MRPL19: variants seen among roughly 807,000 people sequenced by gnomAD.
MRPL19 encodes the protein large ribosomal subunit protein bL19m.
Under a neutral mutation model 34.0 loss-of-function variants are expected in MRPL19, and 31 were observed. That is an observed-to-expected ratio of 0.91 (90% CI 0.68 to 1.23). The LOEUF is 1.23. Ranked by LOEUF, MRPL19 falls within the 50% of genes most tolerant of loss-of-function variation. The pLI, the probability that MRPL19 is intolerant of heterozygous loss-of-function variation, is 0.00. For synonymous variants in MRPL19, 152 were observed against 127.7 expected (o/e 1.19, Z -1.28); for missense variants, 384 against 367.6 (o/e 1.04, Z -0.37).
intron 1 of MRPL19, 76 bp from the exon 2 acceptor site, chr2:75,647,026 T>C: frequency 3.4e-6 from 5 of 1,484,820 alleles, no homozygotes; most frequent in South Asian, 1.3e-5. Flanking sequence ...GGACGCCGGG[T>C]TGGGGGAGAT....
Position 75,657,591 on chromosome 2 carries a change from T to G in MRPL19, c.*2306T>G, listed in dbSNP as rs1455046984. ...GCCTATATCTTATATTTTTCTTCTC[T>G]TTATCTTGTTAGAAGATAGCTATTA... On this transcript the variant is annotated 3_prime_UTR_variant, in exon 6 of 6. Transcript: ENST00000393909. The G allele has an allele frequency of 6.6e-6, 1 of 152,116 alleles. No individual in the cohort carries two copies. Among genetic ancestry groups the G allele is most frequent in the South Asian group, 2.1e-4 (1 of 4,830 alleles). The allele number at this position is 152,116 out of a possible 1,614,324, so 9.4% of individuals were successfully genotyped here. A position where few individuals can be genotyped will look rare whatever the true frequency, so the allele number is the denominator to read the frequency against.
At chr2:75,651,294 GTC>G (rs935337479) in intron 2 of MRPL19, 2 of 516,156 alleles carry the variant, frequency 3.9e-6, no homozygotes, top group Non-Finnish European at 7.9e-6. Flanking sequence ...CTGCAGCTGT[GTC>G]TCTGGATTTG....
chr2:75,652,374 G>A, intron 3 of MRPL19, 114 bp downstream of exon 3: 1 of 1,285,556 alleles, frequency 7.8e-7, no homozygotes. Context: ...TCTGGGTTAT[G>A]CTCATATGAA....
In MRPL19 at chr2:75,656,347, C is replaced by T. The variant is rs939610179; in HGVS notation, c.*1062C>T. The T allele has an allele frequency of 6.6e-6, 1 of 152,148 alleles. No individual in the cohort carries two copies. The highest frequency in any genetic ancestry group is 2.1e-4 in the South Asian group (1 of 4,830). The allele number at this position is 152,148 out of a possible 1,614,324, so 9.4% of individuals were successfully genotyped here. A position where few individuals can be genotyped will look rare whatever the true frequency, so the allele number is the denominator to read the frequency against. On this transcript the variant is annotated 3_prime_UTR_variant, in exon 6 of 6. Transcript: ENST00000393909. Reference sequence around the variant, plus strand: ...CTCAGGTTAAAAAATACAGTACTATCCTAAATCTTGAAGGCAACTCTCAGC... The same window carrying T: ...CTCAGGTTAAAAAATACAGTACTATTCTAAATCTTGAAGGCAACTCTCAGC...
Position 75,655,377 on chromosome 2 carries a change from G to T in MRPL19, c.*92G>T. The T allele has an allele frequency of 1.1e-6, 1 of 907,582 alleles. No individual in the cohort carries two copies. Among genetic ancestry groups the T allele is most frequent in the East Asian group, 2.7e-5 (1 of 37,510 alleles). The allele number at this position is 907,582 out of a possible 1,614,324, so 56.2% of individuals were successfully genotyped here. On this transcript the variant is annotated 3_prime_UTR_variant, in exon 6 of 6. Transcript: ENST00000393909. ...ATTTAATTTCATTTATAAGAACATAGTAATTAAGTGAACTAAGCATTCATT... is the reference window on the plus strand; with the variant it reads ...ATTTAATTTCATTTATAAGAACATATTAATTAAGTGAACTAAGCATTCATT...
chr2:75,651,565 C>A, intron 2 of MRPL19: 2 of 413,920 alleles, frequency 4.8e-6, no homozygotes, highest in East Asian at 6.5e-5. Flanking sequence ...TAGTCTTGAC[C>A]AGCAAACACA....
At chr2:75,647,449 C>G in intron 2 of MRPL19, 2 of 524,156 alleles carry the variant, frequency 3.8e-6, no homozygotes, top group Non-Finnish European at 6.7e-6. Flanking sequence ...TAGGGGTTCC[C>G]CATATTTTAA....
intron 2 of MRPL19, chr2:75,651,373 G>T (rs541296426): frequency 3.8e-4 from 201 of 534,110 alleles, no homozygotes; most frequent in Admixed American, 4.5e-4. Context: ...GAATGACACC[G>T]CATATGTACC....
chr2:75,651,148 G>A lies in MRPL19; in HGVS notation c.222-994G>A, dbSNP rs1678323222. 1.2e-5 allele frequency: 4 copies of A among 342,814 alleles called. No individual in the cohort carries two copies. The East Asian group carries it at 3.0e-4, about 26-fold the overall frequency. 21.2% of individuals were successfully genotyped at this position (342,814 alleles called of 1,614,324 possible). A position where few individuals can be genotyped will look rare whatever the true frequency, so the allele number is the denominator to read the frequency against. On this transcript the variant is annotated intron_variant, in intron 2 of 5. Coordinates refer to ENST00000393909, the MANE Select transcript of MRPL19 (RefSeq NM_014763.4). ...ACCTAGAGTCCTTGCCATGGGCAAG[G>A]TGCATCCCTGGGCCATGGATAGGAA...
rs1334502797 is a variant in MRPL19 at position 75,658,473 on chromosome 2, A to G, written c.*3188A>G. ...TGCTGCAGTAAACATTGACATAACA[A>G]GTATGTATTTGATTGCCTGTTTCTA... On this transcript the variant is annotated 3_prime_UTR_variant, in exon 6 of 6. Coordinates refer to ENST00000393909, the MANE Select transcript of MRPL19 (RefSeq NM_014763.4). Among the ~76,000 whole-genome samples, 1 of 152,202 alleles carries G rather than the reference A, an allele frequency of 6.6e-6. No homozygotes were observed. The highest frequency in any genetic ancestry group is 1.5e-5 in the Non-Finnish European group (1 of 68,028).
chr2:75,651,004 C>G (rs1678320925), intron 2 of MRPL19, among the ~76,000 whole-genome samples: 1 of 152,134 alleles, frequency 6.6e-6, no homozygotes, highest in Admixed American at 6.5e-5. Context: ...CTCTGCTGTT[C>G]TGGGAAGATT....
At position 75,659,012 on chromosome 2, in the gene MRPL19, A is replaced by G. The variant is rs982182020; in HGVS notation, c.*3727A>G. Among the ~76,000 whole-genome samples the G allele has an allele frequency of 6.6e-6, 1 of 151,994 alleles. No individual in the cohort carries two copies. On this transcript the variant is annotated 3_prime_UTR_variant, in exon 6 of 6. Transcript: ENST00000393909. Reference sequence around the variant, plus strand: ...TGATTGGAAAATTTAATCCATTTGCATTTAAAGTAATTAAGGAAGGACTTT... The same window carrying G: ...TGATTGGAAAATTTAATCCATTTGCGTTTAAAGTAATTAAGGAAGGACTTT...
rs753974870 is a variant in MRPL19 at position 75,646,891 on chromosome 2, G to C, written c.84G>C (p.Pro28=). The C allele has an allele frequency of 6.3e-7, 1 of 1,593,398 alleles. No homozygotes were observed. Among genetic ancestry groups the C allele is most frequent in the Non-Finnish European group, 8.5e-7 (1 of 1,170,288 alleles). The change falls in exon 1 of 6, where the codon CCG becomes CCC. Residue 28 remains proline, a synonymous_variant. Transcript: ENST00000393909. The part of the protein sequence containing the change: ...SFQAARTLLP[P]PASIACRVHA... Reference sequence around the variant, plus strand: ...AAGCCGCCAGGACTCTGCTCCCCCCGCCGGCCTCTATCGCCTGCAGTAAGT... The same window carrying C: ...AAGCCGCCAGGACTCTGCTCCCCCCCCCGGCCTCTATCGCCTGCAGTAAGT...
In MRPL19 at chr2:75,662,166, A is replaced by C. The variant is rs1306019680; in HGVS notation, c.*6881A>C. 6.6e-6 allele frequency: 1 copy of C among 152,214 alleles called. No homozygotes were observed. Among genetic ancestry groups the C allele is most frequent in the Non-Finnish European group, 1.5e-5 (1 of 68,032 alleles). The allele number at this position is 152,214 out of a possible 1,614,324, so 9.4% of individuals were successfully genotyped here. A position where few individuals can be genotyped will look rare whatever the true frequency, so the allele number is the denominator to read the frequency against. ...TACACTGGTTGACTAATGTTAAAAC[A>C]ACCTTACTTTCCAGGAATAAACCCT... On this transcript the variant is annotated 3_prime_UTR_variant, in exon 6 of 6. Transcript: ENST00000393909.
In MRPL19 at chr2:75,658,111, A is replaced by G. The variant is rs569887875; in HGVS notation, c.*2826A>G. Among the ~76,000 whole-genome samples the G allele has an allele frequency of 7.3e-4, 111 of 152,168 alleles. No individual in the cohort carries two copies. The highest frequency in any genetic ancestry group is 1.2e-3 in the Non-Finnish European group (81 of 67,990). ...TATCTTTGAGACAAGGTCTCATTCTATCACTCAGGTAGGAGTGCAGTGGTG... is the reference window on the plus strand; with the variant it reads ...TATCTTTGAGACAAGGTCTCATTCTGTCACTCAGGTAGGAGTGCAGTGGTG... On this transcript the variant is annotated 3_prime_UTR_variant, in exon 6 of 6. Coordinates refer to ENST00000393909, the MANE Select transcript of MRPL19 (RefSeq NM_014763.4).
At chr2:75,650,831 C>T (rs534561463) in intron 2 of MRPL19, among the ~76,000 whole-genome samples, 49 of 152,188 alleles carry the variant, frequency 3.2e-4, no homozygotes, top group African/African-American at 1.1e-3. Flanking sequence ...TACTGCTGTG[C>T]CAGGTCTAGA....
rs1678239422 is a variant in MRPL19 at position 75,647,092 on chromosome 2, G to C, written c.104-10G>C. On this transcript the variant is annotated splice_polypyrimidine_tract_variant and intron_variant, in intron 1 of 5. Coordinates refer to ENST00000393909, the MANE Select transcript of MRPL19 (RefSeq NM_014763.4). ...ACGAGAGTTCTGACCTCCGTCGTCC[G>C]CTCCCGCAGGGGTCCACGCGGGGCC... 1.3e-6 allele frequency: 2 copies of C among 1,574,502 alleles called. No homozygotes were observed. Among genetic ancestry groups the C allele is most frequent in the Non-Finnish European group, 1.7e-6 (2 of 1,158,392 alleles).
At position 75,646,828 on chromosome 2, in the gene MRPL19, G is replaced by C. The variant is rs1678230092; in HGVS notation, c.21G>C (p.Ala7=). 1.9e-6 allele frequency: 3 copies of C among 1,566,936 alleles called. No individual in the cohort carries two copies. Among genetic ancestry groups the C allele is most frequent in the Non-Finnish European group, 1.7e-6 (2 of 1,156,326 alleles). ...CTGGCATGGCGGCCTGCATTGCAGC[G>C]GGGCACTGGGCTGCAATGGGCCTAG... The part of the protein sequence containing the change: MAACIA[A]GHWAAMGLGR... Residue 7 remains alanine, a synonymous_variant, in exon 1 of 6, where the codon GCG becomes GCC. Transcript: ENST00000393909.
Position 75,655,222 on chromosome 2 carries a change from A to G in MRPL19, c.816A>G (p.Glu272=), listed in dbSNP as rs776705767. The change falls in exon 6 of 6, where the codon GAA becomes GAG. Residue 272 remains glutamate, a synonymous_variant. Coordinates refer to ENST00000393909, the MANE Select transcript of MRPL19 (RefSeq NM_014763.4). Reference sequence around the variant, plus strand: ...GGCTTGAATTTGATATGATGAGGGAATATGATACTTCAAAAATTGAAGCTG... The same window carrying G: ...GGCTTGAATTTGATATGATGAGGGAGTATGATACTTCAAAAATTGAAGCTG... The part of the protein sequence containing the change: ...QPWLEFDMMR[E]YDTSKIEAAI... 28 of 1,613,644 alleles carry G rather than the reference A, an allele frequency of 1.7e-5. No individual in the cohort carries two copies. In the East Asian group the frequency reaches 6.0e-4, roughly 35 times the overall value.
Sources: allele counts gnomAD v4.1 joint callset (sites outside exome capture counted in the v4.1 genomes callset), GRCh38; gene constraint gnomAD v4.1.1; transcripts MANE v1.5; gene names NCBI Gene and HGNC (gene_info 2026-07-23, HGNC 2026-07-21).